The following EML6 variants were observed in gnomAD, a reference collection of about 807,000 sequenced individuals.
EML6 encodes echinoderm microtubule-associated protein-like 6.
Under a neutral mutation model 240.1 loss-of-function variants are expected in EML6, and 154 were observed. The ratio of observed to expected loss-of-function variants is 0.64; its 90% CI spans 0.56 to 0.73. The LOEUF is 0.73. EML6 is among the 30% of genes least tolerant of loss of function. The pLI is 0.00. For synonymous variants in EML6, 1,148 were observed against 899.0 expected (o/e 1.28, Z -4.95); for missense variants, 2,964 against 2,474.6 (o/e 1.20, Z -4.20).
chr2:54,857,785 A>G (rs1244865237), intron 11 of EML6, among the ~76,000 whole-genome samples: 1 of 152,220 alleles, frequency 6.6e-6, no homozygotes, highest in Non-Finnish European at 1.5e-5. Context: ...GCCTAGAAGC[A>G]GAGAAAATGC....
intron 28 of EML6, among the ~76,000 whole-genome samples, chr2:54,937,149 A>G (rs1031107647): frequency 2.0e-5 from 3 of 151,802 alleles, no homozygotes; most frequent in South Asian, 4.1e-4. Flanking sequence ...TGTGGTGCAC[A>G]TGCCTGTAAT....
intron 16 of EML6, among the ~76,000 whole-genome samples, chr2:54,876,030 C>A (rs956877566): frequency 6.6e-6 from 1 of 152,170 alleles, no homozygotes; most frequent in African/African-American, 2.4e-5. Context: ...AAAACTTTGT[C>A]TAATTCACCC....
chr2:54,920,636 G>C (rs1674195266), intron 26 of EML6, among the ~76,000 whole-genome samples: 1 of 152,078 alleles, frequency 6.6e-6, no homozygotes, highest in Non-Finnish European at 1.5e-5. Flanking sequence ...AAAATTGAAG[G>C]GGAGGGAACA....
chr2:54,846,187 TGG>T (rs1158527949), intron 8 of EML6, among the ~76,000 whole-genome samples: 3 of 152,148 alleles, frequency 2.0e-5, no homozygotes, highest in African/African-American at 7.2e-5. Context: ...ACCCATCACT[TGG>T]GCGCCCAGGG....
intron 38 of EML6, among the ~76,000 whole-genome samples, chr2:54,965,411 G>C (rs1193976604): frequency 6.6e-6 from 1 of 152,194 alleles, no homozygotes; most frequent in African/African-American, 2.4e-5. Context: ...ACCACCCAAG[G>C]GGTTCACCTT....
At chr2:54,872,423 T>C (rs1445267251) in intron 16 of EML6, among the ~76,000 whole-genome samples, 1 of 152,182 alleles carries the variant, frequency 6.6e-6, no homozygotes, top group Non-Finnish European at 1.5e-5. Context: ...ACAAGCCTGA[T>C]TGTTCTCCCC....
intron 39 of EML6, among the ~76,000 whole-genome samples, chr2:54,967,777 G>A (rs1278736190): frequency 1.3e-5 from 2 of 152,146 alleles, no homozygotes; most frequent in South Asian, 2.1e-4. Context: ...CAGAGACCAG[G>A]TAGGGGGTGG....
At chr2:54,931,166 C>A (rs968187012) in intron 28 of EML6, among the ~76,000 whole-genome samples, 3 of 152,004 alleles carry the variant, frequency 2.0e-5, no homozygotes, top group African/African-American at 7.2e-5. Flanking sequence ...ACCGTGTTAG[C>A]CAGGATGGTC....
intron 5 of EML6, among the ~76,000 whole-genome samples, chr2:54,826,505 C>T (rs1359511864): frequency 6.6e-6 from 1 of 152,148 alleles, no homozygotes; most frequent in African/African-American, 2.4e-5. Flanking sequence ...GAGGCTGAGG[C>T]AGGAGAATCG....
chr2:54,744,292 G>C (rs1683796292), intron 2 of EML6, among the ~76,000 whole-genome samples: 1 of 152,120 alleles, frequency 6.6e-6, no homozygotes, highest in African/African-American at 2.4e-5. Context: ...ACAAGAGCTG[G>C]CTGAGTGCCT....
At chr2:54,846,713 G>T (rs1228681431) in intron 8 of EML6, among the ~76,000 whole-genome samples, 1 of 151,886 alleles carries the variant, frequency 6.6e-6, no homozygotes, top group African/African-American at 2.4e-5. Flanking sequence ...TGAACTCCTG[G>T]GCTCAAGCAA....
intron 7 of EML6, among the ~76,000 whole-genome samples, chr2:54,835,418 G>A (rs896651798): frequency 1.3e-5 from 2 of 152,216 alleles, no homozygotes; most frequent in Non-Finnish European, 2.9e-5. Flanking sequence ...AGGAGCGCAA[G>A]TGATGAGGAT....
intron 28 of EML6, among the ~76,000 whole-genome samples, chr2:54,938,005 CAGG>C (rs1573181529): frequency 6.6e-6 from 1 of 152,176 alleles, no homozygotes; most frequent in East Asian, 1.9e-4. Flanking sequence ...TTCGTCCTCA[CAGG>C]ACAGTGATGT....
chr2:54,927,262 C>T (rs1296278387), intron 26 of EML6, among the ~76,000 whole-genome samples: 1 of 152,156 alleles, frequency 6.6e-6, no homozygotes, highest in African/African-American at 2.4e-5. Flanking sequence ...AAATACAGGG[C>T]GATCTTGACT....
At chr2:54,823,882 G>GTCTCTC (rs372503443) in intron 5 of EML6, among the ~76,000 whole-genome samples, 1 of 87,634 alleles carries the variant, frequency 1.1e-5, no homozygotes, top group African/African-American at 4.6e-5. Context: ...CTCTCTTTCT[G>GTCTCTC]TCTCTCTCTC....
At chr2:54,851,994 G>GA (rs1670115673) in intron 10 of EML6, among the ~76,000 whole-genome samples, 2 of 152,118 alleles carry the variant, frequency 1.3e-5, no homozygotes, top group Admixed American at 6.5e-5. Flanking sequence ...TGAAATTTTA[G>GA]AAAAAATGGC....
intron 8 of EML6, among the ~76,000 whole-genome samples, chr2:54,845,577 A>G (rs1276101343): frequency 6.6e-6 from 1 of 152,246 alleles, no homozygotes; most frequent in Non-Finnish European, 1.5e-5. Context: ...AAAGATGAGC[A>G]TAGTGACTTC....
At chr2:54,835,476 A>G (rs1188961878) in intron 7 of EML6, among the ~76,000 whole-genome samples, 1 of 152,198 alleles carries the variant, frequency 6.6e-6, no homozygotes, top group African/African-American at 2.4e-5. Flanking sequence ...AACCTGTGAC[A>G]TGCAAGCTTG....
Position 54,933,999 on chromosome 2 carries a change from T to C in EML6, c.4004+5248T>C, listed in dbSNP as rs112894274. ...AGATAATTTTTTTGAATCACCACTT[T>C]GAAGGAGGGAGAATGAGACAACACG... On this transcript the variant is annotated intron_variant, in intron 28 of 41. Transcript: ENST00000356458. Among the ~76,000 whole-genome samples, 1,243 of 152,184 alleles carry C rather than the reference T, an allele frequency of 8.2e-3. 17 individuals are homozygous for C. Among genetic ancestry groups the C allele is most frequent in the African/African-American group, 0.028 (1,175 of 41,512 alleles).
Sources: gnomAD v4.1 joint callset for allele counts (sites outside exome capture counted in the v4.1 genomes callset) on GRCh38, gnomAD v4.1.1 for gene constraint, MANE v1.5 for transcripts, NCBI Gene and HGNC (gene_info 2026-07-23, HGNC 2026-07-21) for gene names.